KHDRBS3: variants seen among roughly 807,000 people sequenced by gnomAD.
KHDRBS3 encodes KH RNA binding domain containing, signal transduction associated 3, also known as KH domain-containing, RNA-binding, signal transduction-associated protein 3.
KHDRBS3 carries 23 observed loss-of-function variants against 45.6 expected under a neutral mutation model. The observed-to-expected ratio is 0.50, with a 90% CI of 0.36 to 0.72. The LOEUF is 0.72. Among genes scored for constraint, KHDRBS3 ranks in the 30% least tolerant of loss-of-function variants. The probability of loss-of-function intolerance (pLI) is 0.00; values close to 1 mark genes in which losing one functional copy is unlikely to be tolerated. For synonymous variants in KHDRBS3, 162 were observed against 156.5 expected (o/e 1.04, Z -0.26); for missense variants, 352 against 424.8 (o/e 0.83, Z 1.51).
chr8:135,507,491 G>C (rs968491549), intron 1 of KHDRBS3, among the ~76,000 whole-genome samples: 2 of 152,122 alleles, frequency 1.3e-5, no homozygotes, highest in East Asian at 1.9e-4. Flanking sequence ...ACACTTTATG[G>C]TCGAAGGACA....
At chr8:135,498,333 C>T (rs1249255969) in intron 1 of KHDRBS3, among the ~76,000 whole-genome samples, 1 of 148,854 alleles carries the variant, frequency 6.7e-6, no homozygotes, top group African/African-American at 2.4e-5. Flanking sequence ...AGCAAGCCAT[C>T]CTCCCTAGGG....
At chr8:135,642,246 C>T (rs1213456329) in intron 7 of KHDRBS3, among the ~76,000 whole-genome samples, 2 of 152,228 alleles carry the variant, frequency 1.3e-5, no homozygotes, top group Admixed American at 1.3e-4. Context: ...CATTTGTGTT[C>T]AGCACATAGC....
intron 1 of KHDRBS3, among the ~76,000 whole-genome samples, chr8:135,500,093 G>A (rs1167615519): frequency 2.6e-5 from 4 of 152,048 alleles, no homozygotes; most frequent in Non-Finnish European, 2.9e-5. Context: ...ATTAATTGAA[G>A]AAAGTATATC....
intron 5 of KHDRBS3, among the ~76,000 whole-genome samples, chr8:135,566,339 C>T (rs1349359266): frequency 6.6e-6 from 1 of 152,130 alleles, no homozygotes; most frequent in Non-Finnish European, 1.5e-5. Flanking sequence ...ACGTTAAAGT[C>T]GAAGTTCTTC....
At chr8:135,528,750 T>C (rs1825318773) in intron 2 of KHDRBS3, among the ~76,000 whole-genome samples, 2 of 152,210 alleles carry the variant, frequency 1.3e-5, no homozygotes, top group African/African-American at 4.8e-5. Flanking sequence ...ATTTGGTGTG[T>C]GGTGGGGGCC....
intron 1 of KHDRBS3, among the ~76,000 whole-genome samples, chr8:135,498,779 A>G (rs1184784917): frequency 6.6e-6 from 1 of 152,190 alleles, no homozygotes. Flanking sequence ...TTAAATATAT[A>G]CTCTGAAATA....
chr8:135,465,160 GT>G (rs1256266491), intron 1 of KHDRBS3, among the ~76,000 whole-genome samples: 1 of 152,164 alleles, frequency 6.6e-6, no homozygotes, highest in Non-Finnish European at 1.5e-5. Context: ...AAAGAGCCAT[GT>G]GATTACAGGT....
At chr8:135,603,310 A>G (rs116312788) in intron 6 of KHDRBS3, among the ~76,000 whole-genome samples, 1,627 of 152,334 alleles carry the variant, frequency 0.011, 26 homozygotes, top group African/African-American at 0.035. Context: ...ATTTAATTTA[A>G]TAGGAATTTT....
chr8:135,549,011 C>T (rs751929393), intron 4 of KHDRBS3, 111 bp downstream of exon 4: 16 of 654,290 alleles, frequency 2.4e-5, no homozygotes, highest in Middle Eastern at 3.4e-4. Flanking sequence ...TGCTGTAAAG[C>T]TGTATGGACA....
chr8:135,491,451 C>T (rs1332212860), intron 1 of KHDRBS3, among the ~76,000 whole-genome samples: 2 of 152,140 alleles, frequency 1.3e-5, no homozygotes, highest in African/African-American at 4.8e-5. Flanking sequence ...CTCATGCATT[C>T]AGTTAGCTTT....
intron 1 of KHDRBS3, among the ~76,000 whole-genome samples, chr8:135,493,333 T>C (rs1259890434): frequency 6.6e-6 from 1 of 152,104 alleles, no homozygotes; most frequent in East Asian, 1.9e-4. Flanking sequence ...CCCACTACAG[T>C]GTAGCATAGA....
intron 7 of KHDRBS3, among the ~76,000 whole-genome samples, chr8:135,610,675 C>A (rs1373868694): frequency 1.3e-5 from 2 of 151,854 alleles, no homozygotes; most frequent in African/African-American, 4.9e-5. Flanking sequence ...GTTGGGAATA[C>A]TGTGGACATT....
intron 2 of KHDRBS3, among the ~76,000 whole-genome samples, chr8:135,536,262 T>TTTTTTTTTTTTTA (rs1491256544): frequency 1.1e-4 from 11 of 98,846 alleles, no homozygotes; most frequent in African/African-American, 2.0e-4. Context: ...TTTTTTTTTT[T>TTTTTTTTTTTTTA]ATTATTGTTT....
At chr8:135,534,946 C>G (rs1424020685) in intron 2 of KHDRBS3, among the ~76,000 whole-genome samples, 1 of 152,172 alleles carries the variant, frequency 6.6e-6, no homozygotes, top group Non-Finnish European at 1.5e-5. Context: ...GGCAAACCAG[C>G]AGGAACTGAG....
chr8:135,648,426 T>G (rs1831364205), downstream of KHDRBS3: 1 of 152,224 alleles, frequency 6.6e-6, no homozygotes, highest in South Asian at 2.1e-4. Flanking sequence ...TAATAAAGTT[T>G]ATTCTTTAAT....
chr8:135,488,400 A>G (rs1242484837), intron 1 of KHDRBS3, among the ~76,000 whole-genome samples: 1 of 152,200 alleles, frequency 6.6e-6, no homozygotes, highest in African/African-American at 2.4e-5. Flanking sequence ...GGATGTTAAA[A>G]TAACTGTCTT....
intron 6 of KHDRBS3, among the ~76,000 whole-genome samples, chr8:135,603,206 C>T (rs1829296559): frequency 6.6e-6 from 1 of 152,164 alleles, no homozygotes; most frequent in Non-Finnish European, 1.5e-5. Context: ...CAGCTGTCTC[C>T]CACTACACCT....
rs372239932 is a variant in KHDRBS3, at chr8:135,542,791, C to T, written c.324+21C>T. The stretch of plus-strand genomic sequence containing the variant: ...CCAAGGTAATATTAATTATAGAAAA[C>T]GGCTAAGTTGTGTATCATGTTATAT... On this transcript the variant is annotated intron_variant, in intron 3 of 8. Transcript: ENST00000355849. 1.3e-4 allele frequency: 191 copies of T among 1,484,496 alleles called. 1 individual carries two copies. The Middle Eastern group carries it at 2.1e-3, about 16-fold the overall frequency. 92.0% of individuals were successfully genotyped at this position (1,484,496 alleles called of 1,614,324 possible). A position where few individuals can be genotyped will look rare whatever the true frequency, so the allele number is the denominator to read the frequency against.
intron 6 of KHDRBS3, among the ~76,000 whole-genome samples, chr8:135,589,591 G>C (rs574377661): frequency 2.0e-5 from 3 of 152,286 alleles, no homozygotes; most frequent in Admixed American, 6.5e-5. Context: ...TATAGCTTTA[G>C]ATCATGGAGC....
Sources: gnomAD v4.1 joint callset for allele counts (sites outside exome capture counted in the v4.1 genomes callset) on GRCh38, gnomAD v4.1.1 for gene constraint, MANE v1.5 for transcripts, NCBI Gene and HGNC (gene_info 2026-07-23, HGNC 2026-07-21) for gene names.